Variants in KNG1 observed in about 807,000 individuals in gnomAD.
KNG1 encodes the protein kininogen 1.
In KNG1, 23 loss-of-function variants were observed where a neutral mutation model predicts 47.8. The ratio of observed to expected loss-of-function variants is 0.48; its 90% confidence interval spans 0.35 to 0.68. The LOEUF is 0.68. Ranked by LOEUF, KNG1 falls within the 30% of genes least tolerant of loss-of-function variation. The pLI, the probability that KNG1 is intolerant of heterozygous loss-of-function variation, is 0.01. For synonymous variants in KNG1, 277 were observed against 277.0 expected (o/e 1.00, Z 0.00); for missense variants, 762 against 790.2 (o/e 0.96, Z 0.43).
At chr3:186,739,289 T>C (rs764578887) in intron 8 of KNG1, 39 bp from the exon 9 acceptor site, 1 of 1,581,720 alleles carries the variant, frequency 6.3e-7, no homozygotes, top group South Asian at 1.1e-5. Flanking sequence ...GTCTCGTGAA[T>C]AACACTGTCT....
In KNG1 at chr3:186,742,167, A is replaced by C; in HGVS notation, c.1771A>C (p.Ile591Leu). ...GAGTGATGACGATTGGATCCCTGAT[A>C]TCCAGATAGACCCAAATGGCCTTTC... ...IQSDDDWIPD[I>L]QIDPNGLSFN... The change falls in exon 10 of 10, where the codon ATC (isoleucine) becomes CTC (leucine). Residue 591 changes from isoleucine (I) to leucine (L), a missense_variant. Transcript: ENST00000644859. 6.2e-7 allele frequency: 1 copy of C among 1,614,192 alleles called. No individual in the cohort carries two copies.
intron 3 of KNG1, among the ~76,000 whole-genome samples, chr3:186,723,073 A>G (rs570550767): frequency 1.3e-5 from 2 of 152,314 alleles, no homozygotes; most frequent in East Asian, 3.9e-4. Context: ...TTGAGTCCTT[A>G]TGTCCCAGCC....
chr3:186,735,173 T>G (rs1367496525), intron 7 of KNG1, among the ~76,000 whole-genome samples: 1 of 152,182 alleles, frequency 6.6e-6, no homozygotes, highest in Non-Finnish European at 1.5e-5. Flanking sequence ...ATTTTATTCT[T>G]TTTTCGTTGT....
rs370561639 is a variant in KNG1 at position 186,739,213 on chromosome 3, A to G, written c.1038+7A>G. The G allele has an allele frequency of 7.5e-5, 120 of 1,607,854 alleles. No homozygotes were observed. Among genetic ancestry groups the G allele is most frequent in the Middle Eastern group, 1.6e-4 (1 of 6,068 alleles). The stretch of plus-strand genomic sequence containing the variant: ...TGAGACCAAAAAACTTGGCGTGAGT[A>G]GTCATGCACCTGTCTACTTTTTCAC... On this transcript the variant is annotated splice_region_variant and intron_variant, in intron 8 of 9. Transcript: ENST00000644859.
At chr3:186,723,355 A>G (rs1243026101) in intron 3 of KNG1, among the ~76,000 whole-genome samples, 1 of 152,212 alleles carries the variant, frequency 6.6e-6, no homozygotes, top group African/African-American at 2.4e-5. Context: ...GTAACATTAG[A>G]ACGTATTTCT....
chr3:186,732,537 G>T lies in KNG1; in HGVS notation c.793G>T (p.Val265Leu). Residue 265 changes from valine (V) to leucine (L), a missense_variant, in exon 7 of 10, where the codon GTG becomes TTG. Transcript: ENST00000644859. ...DFVQPPTKICVGCPRDIPTNS... is the reference protein window; with the variant it reads ...DFVQPPTKICLGCPRDIPTNS... ...TGTACAACCACCTACCAAGATTTGC[G>T]TGGGCTGCCCCAGAGATATACCCAC... is the stretch of plus-strand genomic sequence containing the variant. 2 of 1,614,138 alleles carry T rather than the reference G, an allele frequency of 1.2e-6. No homozygotes were observed. Among genetic ancestry groups the T allele is most frequent in the Non-Finnish European group, 1.7e-6 (2 of 1,180,028 alleles).
chr3:186,720,800 T>C (rs1295038351), intron 2 of KNG1, among the ~76,000 whole-genome samples: 1 of 138,210 alleles, frequency 7.2e-6, no homozygotes, highest in Non-Finnish European at 1.6e-5. Flanking sequence ...TTTTTTTTTT[T>C]TTTTTTTGAG....
In KNG1 at chr3:186,739,295, T is replaced by A. The variant is rs756803625; in HGVS notation, c.1039-33T>A. 5.7e-6 allele frequency: 9 copies of A among 1,584,704 alleles called. No homozygotes were observed. In the Admixed American group the frequency reaches 6.7e-5, roughly 12 times the overall value. On this transcript the variant is annotated intron_variant, in intron 8 of 9. Transcript: ENST00000644859. ...TGTTTAAATGTCTCGTGAATAACAC[T>A]GTCTCTCTTTCGACTTCTGTTTTCA...
intron 7 of KNG1, chr3:186,734,952 A>G (rs369199931): frequency 6.6e-6 from 1 of 152,204 alleles, no homozygotes; most frequent in Non-Finnish European, 1.5e-5. Context: ...GAAAAAAAGT[A>G]AACAAACTAG....
rs777965101 is a variant in KNG1, at chr3:186,717,727, C to T, written c.185C>T (p.Ala62Val). 1 of 1,611,568 alleles carries T rather than the reference C, an allele frequency of 6.2e-7. No individual in the cohort carries two copies. The highest frequency in any genetic ancestry group is 8.5e-7 in the Non-Finnish European group (1 of 1,178,718). Residue 62 changes from alanine (A) to valine (V), a missense_variant, in exon 1 of 10, where the codon GCC becomes GTC. Ala to Val is a moderately conservative substitution (Grantham distance 64, BLOSUM62 0). Coordinates refer to ENST00000644859, the MANE Select transcript of KNG1 (RefSeq NM_001102416.3). ...NQFVLYRITE[A>V]TKTVGSDTFY... ...TTTGTATTGTACCGCATAACTGAAG[C>T]CACTAAGACGGTGAGTGAATTGTGT...
intron 9 of KNG1, among the ~76,000 whole-genome samples, chr3:186,740,466 C>T (rs998292124): frequency 5.3e-5 from 8 of 152,198 alleles, no homozygotes; most frequent in African/African-American, 9.7e-5. Flanking sequence ...CTTTCCATCA[C>T]GATGCTGATT....
Position 186,742,557 on chromosome 3 carries a change from T to G in KNG1, c.*226T>G. The G allele has an allele frequency of 1.4e-6, 2 of 1,380,146 alleles. No individual in the cohort carries two copies. The highest frequency in any genetic ancestry group is 1.6e-5 in the South Asian group (1 of 62,864). The allele number at this position is 1,380,146 out of a possible 1,614,324, so 85.5% of individuals were successfully genotyped here. A position where few individuals can be genotyped will look rare whatever the true frequency, so the allele number is the denominator to read the frequency against. ...TCTTTTCTGAATCTTCTTCCCAAGT[T>G]TTCTAAACTAGCACAGTAAACAGAC... On this transcript the variant is annotated 3_prime_UTR_variant, in exon 10 of 10. Transcript: ENST00000644859.
rs201005798 is a variant in KNG1 at position 186,731,619 on chromosome 3, C to T, written c.747C>T (p.Asp249=). ...TTGCTTCCTTCTCACAGAACTGTGA[C>T]ATTTATCCAGGTAAGGAATAACACA... ...LRIASFSQNC[D]IYPGKDFVQP... The change falls in exon 6 of 10, where the codon GAC becomes GAT. Residue 249 remains aspartate (D), a synonymous_variant. Transcript: ENST00000644859. 1.0e-4 allele frequency: 159 copies of T among 1,592,368 alleles called. No homozygotes were observed. The highest frequency in any genetic ancestry group is 1.2e-4 in the Admixed American group (7 of 59,970).
intron 4 of KNG1, among the ~76,000 whole-genome samples, chr3:186,726,401 T>C (rs1720375279): frequency 2.0e-5 from 3 of 151,556 alleles, no homozygotes; most frequent in Non-Finnish European, 4.4e-5. Flanking sequence ...AGAGATCTCC[T>C]GCCTCAGTAT....
intron 7 of KNG1, chr3:186,738,858 A>AG: frequency 2.4e-6 from 1 of 418,266 alleles, no homozygotes; most frequent in East Asian, 5.1e-5. Flanking sequence ...AAAAAAAAAA[A>AG]TAAAGAAAAT....
At chr3:186,735,397 C>T (rs963031800) in intron 7 of KNG1, among the ~76,000 whole-genome samples, 1 of 152,104 alleles carries the variant, frequency 6.6e-6, no homozygotes, top group Admixed American at 6.5e-5. Flanking sequence ...GCAGGTGGAT[C>T]ACCTGAGGTC....
At chr3:186,722,787 A>G (rs749155242) in intron 3 of KNG1, among the ~76,000 whole-genome samples, 5 of 152,192 alleles carry the variant, frequency 3.3e-5, no homozygotes, top group Non-Finnish European at 5.9e-5. Context: ...ACCAGAAGAC[A>G]TAAGACCTGC....
chr3:186,735,625 T>G (rs1430248102), intron 7 of KNG1, among the ~76,000 whole-genome samples: 10 of 146,736 alleles, frequency 6.8e-5, no homozygotes, highest in Non-Finnish European at 7.6e-5. Flanking sequence ...TCTCAAAAAA[T>G]AATAAAAAAA....
chr3:186,743,885 AGAG>A lies in KNG1; in HGVS notation c.*1555_*1557del, dbSNP rs1056993363. The A allele has an allele frequency of 9.9e-5, 84 of 844,934 alleles. 1 individual carries two copies. In the East Asian group the frequency reaches 1.6e-3, roughly 16 times the overall value. The allele number at this position is 844,934 out of a possible 1,614,324, so 52.3% of individuals were successfully genotyped here. ...AAGAAAGATGGGATAGAATTTAAAT[AGAG>A]AAGAATGCCATTTTATCACTCTGCC... is the stretch of plus-strand genomic sequence containing the variant. On this transcript the variant is annotated 3_prime_UTR_variant, in exon 10 of 10. Transcript: ENST00000644859.
Sources: allele counts gnomAD v4.1 joint callset (sites outside exome capture counted in the v4.1 genomes callset), GRCh38; gene constraint gnomAD v4.1.1; transcripts MANE v1.5; gene names NCBI Gene and HGNC (gene_info 2026-07-23, HGNC 2026-07-21).